Variants in KIRREL3 observed in about 807,000 individuals in gnomAD.
KIRREL3 encodes kirre like nephrin family adhesion molecule 3.
A neutral mutation model predicts 89.7 loss-of-function variants in KIRREL3; 36 were observed. The ratio of observed to expected loss-of-function variants is 0.40; its 90% CI spans 0.31 to 0.53. The LOEUF (loss-of-function observed/expected upper bound fraction) is 0.53. Among genes scored for constraint, KIRREL3 ranks in the 20% least tolerant of loss-of-function variants. KIRREL3 has a pLI of 0.49. For missense variants in KIRREL3, 864 were observed against 1,056.6 expected (o/e 0.82, Z 2.53); for synonymous variants, 445 against 441.4 (o/e 1.01, Z -0.10).
At position 126,521,875 on chromosome 11, in the gene KIRREL3, G is replaced by T. The variant is rs1308930106; in HGVS notation, c.284-411C>A. Among the ~76,000 whole-genome samples, 1 of 152,116 alleles carries T rather than the reference G, an allele frequency of 6.6e-6. No individual in the cohort carries two copies. The highest frequency in any genetic ancestry group is 6.5e-5 in the Admixed American group (1 of 15,268). ...TCCTCCCACCTCAGCCTCCCAAGTA[G>T]CTGGGACTACAGACATGCACCACCA... On this transcript the variant is annotated intron_variant, in intron 3 of 16. Coordinates refer to ENST00000525144, the MANE Select transcript of KIRREL3 (RefSeq NM_032531.4). This position sits in a 1 kb window ranked among gnomAD's most constrained non-coding sequence, Gnocchi z 4.1.
chr11:126,685,125 G>A lies in KIRREL3; in HGVS notation c.56-122213C>T, dbSNP rs1441289584. On this transcript the variant is annotated intron_variant, in intron 1 of 16. Transcript: ENST00000525144. This position sits in a 1 kb window ranked among gnomAD's most constrained non-coding sequence, Gnocchi z 5.5. ...AGTCAATCTCTTCAAGGAGGTCATG[G>A]CCAAGTGTGCAAGGGGACCTCGAAG... Among the ~76,000 whole-genome samples, 6 of 152,196 alleles carry A rather than the reference G, an allele frequency of 3.9e-5. No individual in the cohort carries two copies. The highest frequency in any genetic ancestry group is 2.6e-4 in the Admixed American group (4 of 15,280).
intron 1 of KIRREL3, among the ~76,000 whole-genome samples, chr11:126,678,678 T>C (rs1395351222): frequency 6.8e-6 from 1 of 147,004 alleles, no homozygotes; most frequent in Non-Finnish European, 1.5e-5. Flanking sequence ...GTCAGATCCC[T>C]TGCTGGTAAG....
In KIRREL3 at chr11:126,773,619, TCTC is replaced by T. The variant is rs1465489529; in HGVS notation, c.56-210710_56-210708del. 2.0e-5 allele frequency among the ~76,000 whole-genome samples: 3 copies of T among 152,304 alleles called. No homozygotes were observed. The highest frequency in any genetic ancestry group is 2.1e-4 in the South Asian group (1 of 4,830). On this transcript the variant is annotated intron_variant, in intron 1 of 16. Coordinates refer to ENST00000525144, the MANE Select transcript of KIRREL3 (RefSeq NM_032531.4). The surrounding 1 kb of genome is among the most constrained non-coding windows in gnomAD (Gnocchi z 4.2). ...GATCACAGAGATGTGGGAATAATGA[TCTC>T]CTTACAGGGAGCACACTAGCTTCTG...
rs192118550 is a variant in KIRREL3, at chr11:126,555,898, G to A, written c.133+6937C>T. Among the ~76,000 whole-genome samples, 23 of 151,978 alleles carry A rather than the reference G, an allele frequency of 1.5e-4. No homozygotes were observed. The highest frequency in any genetic ancestry group is 5.1e-4 in the African/African-American group (21 of 41,366). ...TGGGATTACAGGTGTGTGCCACCAC[G>A]CCTGGCTAATTTTTTGTGTTTTTGG... On this transcript the variant is annotated intron_variant, in intron 2 of 16. Transcript: ENST00000525144. This position sits in a 1 kb window ranked among gnomAD's most constrained non-coding sequence, Gnocchi z 4.2.
At chr11:126,437,652 A>G (rs941552465) in intron 11 of KIRREL3, among the ~76,000 whole-genome samples, 1 of 152,132 alleles carries the variant, frequency 6.6e-6, no homozygotes, top group Non-Finnish European at 1.5e-5. Context: ...CATGATACAG[A>G]CATGTACATA....
In KIRREL3 at chr11:126,676,754, A is replaced by G. The variant is rs922611308; in HGVS notation, c.56-113842T>C. Reference sequence around the variant, plus strand: ...GGCAACATGTGGTGTTGTTTTTACTACTGCAACTTTTTATTTTTCTTTAGA... The same window carrying G: ...GGCAACATGTGGTGTTGTTTTTACTGCTGCAACTTTTTATTTTTCTTTAGA... On this transcript the variant is annotated intron_variant, in intron 1 of 16. Coordinates refer to ENST00000525144, the MANE Select transcript of KIRREL3 (RefSeq NM_032531.4). The surrounding 1 kb of genome is among the most constrained non-coding windows in gnomAD (Gnocchi z 4.5). 6.6e-6 allele frequency among the ~76,000 whole-genome samples: 1 copy of G among 150,504 alleles called. No homozygotes were observed. The highest frequency in any genetic ancestry group is 2.4e-5 in the African/African-American group (1 of 40,952).
At chr11:127,002,463 G>C (rs2135314188), upstream of KIRREL3, among the ~76,000 whole-genome samples, 1 of 152,340 alleles carries the variant, frequency 6.6e-6, no homozygotes, top group Middle Eastern at 3.4e-3. Context: ...TTAGCCTGGT[G>C]TAACAGATCA....
chr11:126,949,423 A>C (rs1948713838), intron 1 of KIRREL3, among the ~76,000 whole-genome samples: 1 of 152,218 alleles, frequency 6.6e-6, no homozygotes, highest in African/African-American at 2.4e-5. Context: ...TCCAGTTCTG[A>C]AATGTTCTGA....
At chr11:126,926,050 C>T (rs1349061629) in intron 1 of KIRREL3, among the ~76,000 whole-genome samples, 1 of 152,208 alleles carries the variant, frequency 6.6e-6, no homozygotes. Flanking sequence ...TGACTCTAAC[C>T]ACCACGCCCC....
rs1946486391 is a variant in KIRREL3, at chr11:126,904,254, T to C, written c.55+96201A>G. 6.6e-6 allele frequency among the ~76,000 whole-genome samples: 1 copy of C among 152,248 alleles called. No individual in the cohort carries two copies. Among genetic ancestry groups the C allele is most frequent in the Admixed American group, 6.5e-5 (1 of 15,286 alleles). On this transcript the variant is annotated intron_variant, in intron 1 of 16. Coordinates refer to ENST00000525144, the MANE Select transcript of KIRREL3 (RefSeq NM_032531.4). The surrounding 1 kb of genome is among the most constrained non-coding windows in gnomAD (Gnocchi z 4.4). Reference sequence around the variant, plus strand: ...TTCAGATGAGATATTCCAAGTTTCATTTAGCACAACATATAGATGGTTTAA... The same window carrying C: ...TTCAGATGAGATATTCCAAGTTTCACTTAGCACAACATATAGATGGTTTAA...
chr11:126,780,735 C>T lies in KIRREL3; in HGVS notation c.56-217823G>A, dbSNP rs183106081. Among the ~76,000 whole-genome samples the T allele has an allele frequency of 6.6e-6, 1 of 152,302 alleles. No homozygotes were observed. Among genetic ancestry groups the T allele is most frequent in the African/African-American group, 2.4e-5 (1 of 41,562 alleles). ...ATCCAGGGCAGGATGTGAAAGCCTCCTGCAGTCTCAGGAATAGGATACAAT... is the reference window on the plus strand; with the variant it reads ...ATCCAGGGCAGGATGTGAAAGCCTCTTGCAGTCTCAGGAATAGGATACAAT... On this transcript the variant is annotated intron_variant, in intron 1 of 16. Coordinates refer to ENST00000525144, the MANE Select transcript of KIRREL3 (RefSeq NM_032531.4). This position sits in a 1 kb window ranked among gnomAD's most constrained non-coding sequence, Gnocchi z 5.3.
rs1304694482 is a variant in KIRREL3, at chr11:126,771,572, C to A, written c.56-208660G>T. 6.6e-6 allele frequency among the ~76,000 whole-genome samples: 1 copy of A among 152,118 alleles called. No individual in the cohort carries two copies. The highest frequency in any genetic ancestry group is 1.5e-5 in the Non-Finnish European group (1 of 68,018). Reference sequence around the variant, plus strand: ...AACCTGCAATTACTTTTGCACCAACCGAAATAGTTTTACCAGGGCAGGGAG... The same window carrying A: ...AACCTGCAATTACTTTTGCACCAACAGAAATAGTTTTACCAGGGCAGGGAG... On this transcript the variant is annotated intron_variant, in intron 1 of 16. Coordinates refer to ENST00000525144, the MANE Select transcript of KIRREL3 (RefSeq NM_032531.4). The surrounding 1 kb of genome is among the most constrained non-coding windows in gnomAD (Gnocchi z 4.4).
At chr11:126,524,084 T>C (rs1012893219) in intron 3 of KIRREL3, among the ~76,000 whole-genome samples, 2 of 152,208 alleles carry the variant, frequency 1.3e-5, no homozygotes, top group African/African-American at 4.8e-5. Flanking sequence ...CTGGGTTCTA[T>C]AGTCGAATTG....
rs970555432 is a variant in KIRREL3, at chr11:126,999,197, A to G, written c.55+1258T>C. Among the ~76,000 whole-genome samples, 1 of 152,172 alleles carries G rather than the reference A, an allele frequency of 6.6e-6. No individual in the cohort carries two copies. The highest frequency in any genetic ancestry group is 1.5e-5 in the Non-Finnish European group (1 of 68,020). On this transcript the variant is annotated intron_variant, in intron 1 of 16. Coordinates refer to ENST00000525144, the MANE Select transcript of KIRREL3 (RefSeq NM_032531.4). This position sits in a 1 kb window ranked among gnomAD's most constrained non-coding sequence, Gnocchi z 5.7. ...ACATACATTATCATTATACACAGGC[A>G]TTAGTATGCACATACAAATATGAAG... is the stretch of plus-strand genomic sequence containing the variant.
chr11:126,810,119 G>T (rs1951331598), intron 1 of KIRREL3, among the ~76,000 whole-genome samples: 2 of 152,178 alleles, frequency 1.3e-5, no homozygotes, highest in African/African-American at 4.8e-5. Flanking sequence ...GGATGATGGG[G>T]AGGGGGAGTG....
chr11:126,705,825 T>C lies in KIRREL3; in HGVS notation c.56-142913A>G, dbSNP rs937351376. ...ACTGCCATGGCACTGTGACTTGCCT[T>C]GACCACTAAAATGTTGAGAAAGTGA... is the stretch of plus-strand genomic sequence containing the variant. On this transcript the variant is annotated intron_variant, in intron 1 of 16. Coordinates refer to ENST00000525144, the MANE Select transcript of KIRREL3 (RefSeq NM_032531.4). This position sits in a 1 kb window ranked among gnomAD's most constrained non-coding sequence, Gnocchi z 4.3. Among the ~76,000 whole-genome samples, 1 of 152,186 alleles carries C rather than the reference T, an allele frequency of 6.6e-6. No homozygotes were observed. The highest frequency in any genetic ancestry group is 2.4e-5 in the African/African-American group (1 of 41,460).
At position 126,766,213 on chromosome 11, in the gene KIRREL3, G is replaced by C. The variant is rs1645650341; in HGVS notation, c.56-203301C>G. Reference sequence around the variant, plus strand: ...TCTCCTCCTCCCCTCTCTTCTCCTTGTCTTCCTGGCCCTCAGTTGGCTGAG... The same window carrying C: ...TCTCCTCCTCCCCTCTCTTCTCCTTCTCTTCCTGGCCCTCAGTTGGCTGAG... On this transcript the variant is annotated intron_variant, in intron 1 of 16. Transcript: ENST00000525144. This position sits in a 1 kb window ranked among gnomAD's most constrained non-coding sequence, Gnocchi z 4.2. Among the ~76,000 whole-genome samples the C allele has an allele frequency of 1.3e-5, 2 of 151,732 alleles. No individual in the cohort carries two copies. Among genetic ancestry groups the C allele is most frequent in the African/African-American group, 4.8e-5 (2 of 41,288 alleles).
intron 1 of KIRREL3, among the ~76,000 whole-genome samples, chr11:126,737,145 A>G (rs1383937776): frequency 6.6e-6 from 1 of 152,124 alleles, no homozygotes; most frequent in African/African-American, 2.4e-5. Flanking sequence ...GGGGAAAATG[A>G]ATGTGTCCCC....
chr11:126,937,750 T>A (rs1948262230), intron 1 of KIRREL3, among the ~76,000 whole-genome samples: 2 of 151,926 alleles, frequency 1.3e-5, no homozygotes, highest in Admixed American at 1.3e-4. Context: ...ATACAAAAAA[T>A]CAGCCGGGCG....
Sources: allele counts gnomAD v4.1 joint callset (sites outside exome capture counted in the v4.1 genomes callset), GRCh38; gene constraint gnomAD v4.1.1; non-coding constraint Gnocchi (gnomAD v3.1); transcripts MANE v1.5; gene names NCBI Gene and HGNC (gene_info 2026-07-23, HGNC 2026-07-21).